Variants in WNK3 observed in about 807,000 individuals in gnomAD.
WNK3 encodes the protein WNK lysine deficient protein kinase 3, also known as serine/threonine-protein kinase WNK3.
WNK3 carries 18 observed loss-of-function variants against 116.7 expected under a neutral mutation model. The observed-to-expected ratio is 0.15, with a 90% CI of 0.11 to 0.23. The LOEUF is 0.23. Ranked by LOEUF, WNK3 falls within the 10% of genes least tolerant of loss-of-function variation. The pLI is 1.00. For synonymous variants in WNK3, 404 were observed against 469.4 expected (o/e 0.86, Z 1.80); for missense variants, 993 against 1,323.8 (o/e 0.75, Z 3.88).
chrX:54,243,467 C>T (rs2068045520), intron 17 of WNK3, among the ~76,000 whole-genome samples: 1 of 94,890 alleles, frequency 1.1e-5, no homozygotes, highest in Non-Finnish European at 2.2e-5. Flanking sequence ...CTCAACAACA[C>T]AAACAACAAC....
At chrX:54,224,352 A>T (rs1603376012) in intron 22 of WNK3, among the ~76,000 whole-genome samples, 2 of 95,947 alleles carry the variant, frequency 2.1e-5, no homozygotes, top group Admixed American at 1.1e-4. Flanking sequence ...AACTCCATCT[A>T]AAAAAAAAAA....
chrX:54,201,595 T>A (rs1603370140), intron 23 of WNK3, among the ~76,000 whole-genome samples: 2 of 111,945 alleles, frequency 1.8e-5, no homozygotes, highest in East Asian at 5.6e-4. Flanking sequence ...CTTGCTGGAT[T>A]TTTTTAAAAA....
At chrX:54,216,553 G>C (rs1291421946) in intron 22 of WNK3, among the ~76,000 whole-genome samples, 2 of 111,009 alleles carry the variant, frequency 1.8e-5, no homozygotes, top group African/African-American at 6.5e-5. Flanking sequence ...GGGAGAACTA[G>C]ATGACCATAA....
At chrX:54,314,708 GTA>G (rs10585557) in intron 2 of WNK3, among the ~76,000 whole-genome samples, 2,757 of 111,511 alleles carry the variant, frequency 0.025, 94 homozygotes, top group African/African-American at 0.087. Context: ...GGTCGAGACT[GTA>G]TAGTGAGCCA....
At chrX:54,304,921 G>A (rs1002390029) in intron 5 of WNK3, among the ~76,000 whole-genome samples, 2 of 111,156 alleles carry the variant, frequency 1.8e-5, no homozygotes, top group Admixed American at 9.7e-5. Context: ...CAGATCACCC[G>A]AGGTCAGGAG....
chrX:54,233,453 G>A (rs1488721392), intron 20 of WNK3, among the ~76,000 whole-genome samples: 1 of 83,847 alleles, frequency 1.2e-5, no homozygotes, highest in African/African-American at 4.3e-5. Flanking sequence ...AAAAAAGAAA[G>A]AAAGAGAGAG....
chrX:54,251,563 T>A (rs2068129848), exon 14 of WNK3: 1 of 1,209,192 alleles, frequency 8.3e-7, no homozygotes, highest in Non-Finnish European at 1.1e-6. Flanking sequence ...AGTAATAGAA[T>A]CAACTCCAGT....
At chrX:54,281,342 G>A (rs2068513592) in intron 10 of WNK3, among the ~76,000 whole-genome samples, 1 of 110,508 alleles carries the variant, frequency 9.0e-6, no homozygotes, top group Non-Finnish European at 1.9e-5. Flanking sequence ...AAAATTAGCT[G>A]GGCATGGTGG....
chrX:54,314,826 G>C (rs923199170), intron 2 of WNK3, among the ~76,000 whole-genome samples: 1 of 111,185 alleles, frequency 9.0e-6, no homozygotes, highest in African/African-American at 3.3e-5. Flanking sequence ...TTTACTAGTG[G>C]ATAGCCTCCC....
intron 3 of WNK3, among the ~76,000 whole-genome samples, chrX:54,310,182 T>C (rs1833965520): frequency 9.2e-6 from 1 of 108,964 alleles, no homozygotes; most frequent in Non-Finnish European, 1.9e-5. Flanking sequence ...TATAATATCA[T>C]AATAGTATCG....
chrX:54,343,997 A>C (rs1437621008), intron 1 of WNK3, among the ~76,000 whole-genome samples: 2 of 111,601 alleles, frequency 1.8e-5, no homozygotes, highest in Non-Finnish European at 3.8e-5. Context: ...CATTCTATTT[A>C]TCTAGCAACT....
intron 10 of WNK3, among the ~76,000 whole-genome samples, chrX:54,271,354 T>C (rs1364462127): frequency 8.9e-6 from 1 of 112,040 alleles, no homozygotes; most frequent in Non-Finnish European, 1.9e-5. Context: ...TTTTTTTTAA[T>C]GCCTAACAAG....
chrX:54,325,584 C>T (rs1295474215), intron 2 of WNK3, among the ~76,000 whole-genome samples: 1 of 98,181 alleles, frequency 1.0e-5, no homozygotes, highest in Non-Finnish European at 2.0e-5. Flanking sequence ...GAGGCTGAGA[C>T]AGGAGAATCG....
intron 22 of WNK3, among the ~76,000 whole-genome samples, chrX:54,208,419 C>T (rs189345253): frequency 4.8e-4 from 53 of 110,901 alleles, no homozygotes; most frequent in African/African-American, 1.6e-3. Context: ...CCACCGCGCC[C>T]GGCCCAATAT....
rs1353206075 is a variant in WNK3, at chrX:54,344,510, G to A, written c.-119-10718C>T. Among the ~76,000 whole-genome samples, 13 of 112,628 alleles carry A rather than the reference G, an allele frequency of 1.2e-4. No individual in the cohort carries two copies. The East Asian group carries it at 3.1e-3, about 27-fold the overall frequency. ...TATATTGAGCATAGAAGGTTCACAT[G>A]TTCCTTTTGCAGTCTTTCAGCTTTG... On this transcript the variant is annotated intron_variant, in intron 1 of 23. Coordinates refer to ENST00000354646, the Ensembl canonical transcript of WNK3.
chrX:54,308,393 T>C (rs558347513), intron 4 of WNK3, among the ~76,000 whole-genome samples: 2 of 110,171 alleles, frequency 1.8e-5, no homozygotes, highest in African/African-American at 3.3e-5. Flanking sequence ...GGTTTCACCA[T>C]GTTGGCCAGG....
At chrX:54,316,647 G>A (rs2068961063) in intron 2 of WNK3, among the ~76,000 whole-genome samples, 1 of 109,552 alleles carries the variant, frequency 9.1e-6, no homozygotes, top group African/African-American at 3.3e-5. Flanking sequence ...GCTAGAACTT[G>A]ATCTGGGACT....
chrX:54,203,449 T>C (rs559614930), intron 22 of WNK3, among the ~76,000 whole-genome samples: 2 of 111,851 alleles, frequency 1.8e-5, no homozygotes, highest in Admixed American at 1.9e-4. Context: ...TGAAGATGCC[T>C]TATACATGTG....
intron 10 of WNK3, among the ~76,000 whole-genome samples, chrX:54,259,683 A>G (rs1489621186): frequency 9.0e-6 from 1 of 111,620 alleles, no homozygotes; most frequent in Admixed American, 9.6e-5. Flanking sequence ...AGGTACTACC[A>G]TTCTACAAGA....
Sources: allele counts gnomAD v4.1 joint callset (sites outside exome capture counted in the v4.1 genomes callset), GRCh38; gene constraint gnomAD v4.1.1; transcripts MANE v1.5; gene names NCBI Gene and HGNC (gene_info 2026-07-23, HGNC 2026-07-21).